The following SHISA7 variants were observed in gnomAD, a reference collection of about 807,000 sequenced individuals.
SHISA7 encodes shisa family member 7.
SHISA7 carries 6 observed loss-of-function variants against 23.9 expected under a neutral mutation model. The ratio of observed to expected loss-of-function variants is 0.25; its 90% CI spans 0.14 to 0.50. The LOEUF (loss-of-function observed/expected upper bound fraction) is 0.50, where lower values mean the gene tolerates loss of function less well. Among genes scored for constraint, SHISA7 ranks in the 20% least tolerant of loss-of-function variants. SHISA7 has a pLI of 0.98. For synonymous variants in SHISA7, 386 were observed against 398.3 expected (o/e 0.97, Z 0.37); for missense variants, 671 against 801.1 (o/e 0.84, Z 1.96).
At chr19:55,438,891 G>C (rs1181129739) in intron 2 of SHISA7, among the ~76,000 whole-genome samples, 2 of 151,832 alleles carry the variant, frequency 1.3e-5, no homozygotes, top group Non-Finnish European at 2.9e-5. Flanking sequence ...TGGTGCCCAG[G>C]CTAGAGATCT....
intron 2 of SHISA7, among the ~76,000 whole-genome samples, chr19:55,439,294 TC>T (rs1399076313): frequency 6.6e-6 from 1 of 152,212 alleles, no homozygotes; most frequent in African/African-American, 2.4e-5. Context: ...TTGAAGCCCT[TC>T]TTCCCATCTG....
chr19:55,442,540 G>A lies in SHISA7; in HGVS notation c.324C>T (p.Gly108=), dbSNP rs760929860. The change falls in exon 1 of 4, where the codon GGC becomes GGT. Residue 108 remains glycine, a synonymous_variant. Transcript: ENST00000376325. ...CACAGCAGAAGCGGTAGTGGCAGGT[G>A]CCACAGCAGAAGCGGTAGGAGCCGG... ...CSTGSYRFCC[G]TCHYRFCCEH... 1.4e-6 allele frequency: 2 copies of A among 1,480,646 alleles called. No individual in the cohort carries two copies. The highest frequency in any genetic ancestry group is 3.0e-5 in the East Asian group (1 of 33,874). 91.7% of individuals were successfully genotyped at this position (1,480,646 alleles called of 1,614,324 possible).
rs1985250680 is a variant in SHISA7, at chr19:55,433,139, C to G, written c.*17G>C. ...GGGGGCCCGGGAGGCCGCAGCCCCC[C>G]AGACCCGGCCCTGGCCTCAGACAGT... On this transcript the variant is annotated 3_prime_UTR_variant, in exon 4 of 4. Transcript: ENST00000376325. This position sits in a 1 kb window ranked among gnomAD's most constrained non-coding sequence, Gnocchi z 8.4. 6 of 1,514,106 alleles carry G rather than the reference C, an allele frequency of 4.0e-6. No homozygotes were observed. Among genetic ancestry groups the G allele is most frequent in the Non-Finnish European group, 5.3e-6 (6 of 1,136,422 alleles). 93.8% of individuals were successfully genotyped at this position (1,514,106 alleles called of 1,614,324 possible). A position where few individuals can be genotyped will look rare whatever the true frequency, so the allele number is the denominator to read the frequency against.
chr19:55,437,535 A>G (rs1985493583), intron 3 of SHISA7, 70 bp downstream of exon 3: 2 of 1,491,478 alleles, frequency 1.3e-6, no homozygotes, highest in Admixed American at 2.2e-5. Flanking sequence ...GCCACTGTCC[A>G]CGGTCCTGAA....
Position 55,430,754 on chromosome 19 carries a change from C to A in SHISA7, c.*2402G>T, listed in dbSNP as rs1711834370. 1.5e-5 allele frequency: 2 copies of A among 134,688 alleles called. No individual in the cohort carries two copies. Among genetic ancestry groups the A allele is most frequent in the South Asian group, 4.8e-4 (2 of 4,140 alleles). 8.3% of individuals were successfully genotyped at this position (134,688 alleles called of 1,614,324 possible). On this transcript the variant is annotated 3_prime_UTR_variant, in exon 4 of 4. Coordinates refer to ENST00000376325, the MANE Select transcript of SHISA7 (RefSeq NM_001145176.2). ...ACCTCATGGATCACGGATGATGACA[C>A]CAGGGTTATGGCGGATCCTAGTGGA...
At chr19:55,437,028 G>A (rs549471142) in intron 3 of SHISA7, among the ~76,000 whole-genome samples, 2 of 152,328 alleles carry the variant, frequency 1.3e-5, no homozygotes, top group African/African-American at 2.4e-5. Context: ...TGTCCAATGA[G>A]AGTCACAGGA....
In SHISA7 at chr19:55,430,847, G is replaced by C. The variant is rs150703704; in HGVS notation, c.*2309C>G. 3.5e-3 allele frequency: 506 copies of C among 146,446 alleles called. 2 individuals carry two copies. Among genetic ancestry groups the C allele is most frequent in the Non-Finnish European group, 5.6e-3 (380 of 67,438 alleles). 9.1% of individuals were successfully genotyped at this position (146,446 alleles called of 1,614,324 possible). On this transcript the variant is annotated 3_prime_UTR_variant, in exon 4 of 4. Transcript: ENST00000376325. ...ACCAGGGTTATGGTGGATACTAGTG[G>C]ATGGTGACAGACAGCACTGGACCTC...
In SHISA7 at chr19:55,442,520, C is replaced by A; in HGVS notation, c.344G>T (p.Cys115Phe). Reference protein sequence around the residue: ...FCCGTCHYRFCCEHRHMRLAQ... With the variant: ...FCCGTCHYRFFCEHRHMRLAQ... ...CAGGCGCATGTGACGGTGCTCACAG[C>A]AGAAGCGGTAGTGGCAGGTGCCACA... is the stretch of plus-strand genomic sequence containing the variant. Residue 115 changes from cysteine to phenylalanine, a missense_variant, in exon 1 of 4, where the codon TGC becomes TTC. This residue lies in a region of SHISA7 where 48 missense variants were observed against 111.0 expected (regional missense o/e 0.43). Transcript: ENST00000376325. 6.8e-7 allele frequency: 1 copy of A among 1,481,480 alleles called. No homozygotes were observed. Among genetic ancestry groups the A allele is most frequent in the Non-Finnish European group, 9.0e-7 (1 of 1,112,028 alleles). The allele number at this position is 1,481,480 out of a possible 1,614,324, so 91.8% of individuals were successfully genotyped here.
At chr19:55,435,279 G>A (rs1160034754) in intron 3 of SHISA7, among the ~76,000 whole-genome samples, 2 of 126,192 alleles carry the variant, frequency 1.6e-5, no homozygotes, top group African/African-American at 3.2e-5. Context: ...GCGTGTGTGC[G>A]TGTGTGTATA....
chr19:55,429,061 G>A lies in SHISA7; in HGVS notation c.*4095C>T, dbSNP rs1034277315. Reference sequence around the variant, plus strand: ...ATGACGAGGTCCCAGCTCAAGACATGTGGAGGGGAATTGTCAGTACACACC... The same window carrying A: ...ATGACGAGGTCCCAGCTCAAGACATATGGAGGGGAATTGTCAGTACACACC... On this transcript the variant is annotated 3_prime_UTR_variant, in exon 4 of 4. Coordinates refer to ENST00000376325, the MANE Select transcript of SHISA7 (RefSeq NM_001145176.2). 1.3e-5 allele frequency: 2 copies of A among 152,384 alleles called. No individual in the cohort carries two copies. The highest frequency in any genetic ancestry group is 4.8e-5 in the African/African-American group (2 of 41,444). 9.4% of individuals were successfully genotyped at this position (152,384 alleles called of 1,614,324 possible).
At position 55,433,136 on chromosome 19, in the gene SHISA7, C is replaced by A. The variant is rs1436484779; in HGVS notation, c.*20G>T. 6.6e-7 allele frequency: 1 copy of A among 1,513,378 alleles called. No homozygotes were observed. Among genetic ancestry groups the A allele is most frequent in the South Asian group, 1.2e-5 (1 of 82,628 alleles). 93.7% of individuals were successfully genotyped at this position (1,513,378 alleles called of 1,614,324 possible). A position where few individuals can be genotyped will look rare whatever the true frequency, so the allele number is the denominator to read the frequency against. The stretch of plus-strand genomic sequence containing the variant: ...ACGGGGGGCCCGGGAGGCCGCAGCC[C>A]CCCAGACCCGGCCCTGGCCTCAGAC... On this transcript the variant is annotated 3_prime_UTR_variant, in exon 4 of 4. Coordinates refer to ENST00000376325, the MANE Select transcript of SHISA7 (RefSeq NM_001145176.2). The surrounding 1 kb of genome is among the most constrained non-coding windows in gnomAD (Gnocchi z 8.4).
rs4801603 is a variant in SHISA7, at chr19:55,429,931, T to C, written c.*3225A>G. 84,673 of 152,016 alleles carry C rather than the reference T, an allele frequency of 0.56. 24,381 individuals carry two copies. Among genetic ancestry groups the C allele is most frequent in the East Asian group, 0.98 (5,021 of 5,146 alleles). 9.4% of individuals were successfully genotyped at this position (152,016 alleles called of 1,614,324 possible). On this transcript the variant is annotated 3_prime_UTR_variant, in exon 4 of 4. Transcript: ENST00000376325. ...CCCCAGTCGGTCACCAGCTTTGACCTATCCCGCGGGGGTCAGGGATCTCTG... is the reference window on the plus strand; with the variant it reads ...CCCCAGTCGGTCACCAGCTTTGACCCATCCCGCGGGGGTCAGGGATCTCTG...
In SHISA7 at chr19:55,442,410, C is replaced by T. The variant is rs1458540922; in HGVS notation, c.454G>A (p.Gly152Ser). 6 of 1,400,256 alleles carry T rather than the reference C, an allele frequency of 4.3e-6. No individual in the cohort carries two copies. The African/African-American group carries it at 4.5e-5, about 11-fold the overall frequency. The allele number at this position is 1,400,256 out of a possible 1,614,324, so 86.7% of individuals were successfully genotyped here. The change falls in exon 1 of 4, where the codon GGT becomes AGT. Residue 152 changes from glycine (G) to serine (S), a missense_variant. Physicochemically the swap from Gly to Ser is moderately conservative, Grantham distance 56. Around this residue, in one of 5 missense-constraint regions of SHISA7, gnomAD observed 59 missense variants for 57.2 expected, o/e 1.03. Coordinates refer to ENST00000376325, the MANE Select transcript of SHISA7 (RefSeq NM_001145176.2). ...PLAGGAGGAG[G>S]AGGGPGPGQA... ...CCGGGCCCTGGCCCCCCGCCCGCACCCCCAGCGCCCCCGGCGCCCCCAGCT... is the reference window on the plus strand; with the variant it reads ...CCGGGCCCTGGCCCCCCGCCCGCACTCCCAGCGCCCCCGGCGCCCCCAGCT...
chr19:55,429,195 G>GA lies in SHISA7; in HGVS notation c.*3960dup, dbSNP rs1985106591. On this transcript the variant is annotated 3_prime_UTR_variant, in exon 4 of 4. Coordinates refer to ENST00000376325, the MANE Select transcript of SHISA7 (RefSeq NM_001145176.2). ...TGAATAGGGACAGGGCTAGGGGTGG[G>GA]ATCCCTGGAATCCAGGCTGGGCTAG... 1 of 152,324 alleles carries GA rather than the reference G, an allele frequency of 6.6e-6. No homozygotes were observed. Among genetic ancestry groups the GA allele is most frequent in the African/African-American group, 2.4e-5 (1 of 41,448 alleles). 9.4% of individuals were successfully genotyped at this position (152,324 alleles called of 1,614,324 possible).
chr19:55,442,534 G>A lies in SHISA7; in HGVS notation c.330C>T (p.Cys110=). Residue 110 remains cysteine, a synonymous_variant, in exon 1 of 4, where the codon TGC becomes TGT. Transcript: ENST00000376325. ...GGTGCTCACAGCAGAAGCGGTAGTG[G>A]CAGGTGCCACAGCAGAAGCGGTAGG... is the stretch of plus-strand genomic sequence containing the variant. ...TGSYRFCCGT[C]HYRFCCEHRH... 6.8e-7 allele frequency: 1 copy of A among 1,480,264 alleles called. No individual in the cohort carries two copies. Among genetic ancestry groups the A allele is most frequent in the East Asian group, 3.0e-5 (1 of 33,790 alleles). The allele number at this position is 1,480,264 out of a possible 1,614,324, so 91.7% of individuals were successfully genotyped here.
Position 55,442,904 on chromosome 19 carries a change from G to T in SHISA7, c.-41C>A. On this transcript the variant is annotated 5_prime_UTR_variant, in exon 1 of 4. Coordinates refer to ENST00000376325, the MANE Select transcript of SHISA7 (RefSeq NM_001145176.2). ...TCGCACTGGGCCGCCAGGCTGCGGG[G>T]AGAACGAGAGCAGAGGTTGGAGCGC... is the stretch of plus-strand genomic sequence containing the variant. 1 of 1,187,490 alleles carries T rather than the reference G, an allele frequency of 8.4e-7. No homozygotes were observed. The highest frequency in any genetic ancestry group is 2.1e-5 in the South Asian group (1 of 46,870). The allele number at this position is 1,187,490 out of a possible 1,614,324, so 73.6% of individuals were successfully genotyped here.
intron 3 of SHISA7, among the ~76,000 whole-genome samples, chr19:55,434,965 G>A (rs1985384661): frequency 7.4e-6 from 1 of 135,960 alleles, no homozygotes; most frequent in African/African-American, 2.8e-5. Flanking sequence ...GTGTGGGTGT[G>A]TGTGGTGTGT....
intron 3 of SHISA7, among the ~76,000 whole-genome samples, chr19:55,434,435 GGT>G (rs1278364409): frequency 0.019 from 2,427 of 126,550 alleles, 71 homozygotes; most frequent in African/African-American, 0.064. Context: ...GTGTGTGTGT[GGT>G]GTGTGTGTGT....
Position 55,442,278 on chromosome 19 carries a change from C to T in SHISA7, c.586G>A (p.Ala196Thr), listed in dbSNP as rs1713437420. 9 of 1,533,258 alleles carry T rather than the reference C, an allele frequency of 5.9e-6. No homozygotes were observed. The highest frequency in any genetic ancestry group is 7.0e-6 in the Non-Finnish European group (8 of 1,145,690). The allele number at this position is 1,533,258 out of a possible 1,614,324, so 95.0% of individuals were successfully genotyped here. The change falls in exon 1 of 4, where the codon GCC (alanine) becomes ACC (threonine). Residue 196 changes from alanine to threonine, a missense_variant. This residue lies in a region of SHISA7 where 11 missense variants were observed against 31.4 expected (regional missense o/e 0.35). Coordinates refer to ENST00000376325, the MANE Select transcript of SHISA7 (RefSeq NM_001145176.2). ...TTGGCGCCGACGCCCACGGCCAGGG[C>T]GAAGCTGATGACCCCGCACACGACG... ...AYVVCGVISF[A>T]LAVGVGAKVA... is the part of the protein sequence containing the mutation.
Sources: allele counts gnomAD v4.1 joint callset (sites outside exome capture counted in the v4.1 genomes callset), GRCh38; gene constraint gnomAD v4.1.1; regional missense constraint gnomAD v4.1.1; non-coding constraint Gnocchi (gnomAD v3.1); transcripts MANE v1.5; gene names NCBI Gene and HGNC (gene_info 2026-07-23, HGNC 2026-07-21).